The following SORCS1 variants were observed in gnomAD, a reference collection of about 807,000 sequenced individuals.
SORCS1 encodes the protein sortilin related VPS10 domain containing receptor 1.
A neutral mutation model predicts 146.1 loss-of-function variants in SORCS1; 60 were observed. The observed-to-expected ratio is 0.41, with a 90% confidence interval of 0.33 to 0.51. The LOEUF (loss-of-function observed/expected upper bound fraction) is 0.51, where lower values mean the gene tolerates loss of function less well. Ranked by LOEUF, SORCS1 falls within the 20% of genes least tolerant of loss-of-function variation. SORCS1 has a pLI of 0.21. For missense variants in SORCS1, 1,352 were observed against 1,487.6 expected, an observed-to-expected ratio of 0.91 and a Z score of 1.50; for synonymous variants, 637 against 584.0, an observed-to-expected ratio of 1.09 and a Z score of -1.31.
chr10:107,132,494 AT>A (rs1487874159), intron 1 of SORCS1, among the ~76,000 whole-genome samples: 1 of 152,176 alleles, frequency 6.6e-6, no homozygotes, highest in African/African-American at 2.4e-5. Context: ...TGTACCCATC[AT>A]GGTGGCAAGC....
intron 4 of SORCS1, among the ~76,000 whole-genome samples, chr10:106,774,261 A>T (rs966222159): frequency 3.9e-5 from 6 of 152,286 alleles, no homozygotes; most frequent in African/African-American, 1.4e-4. Context: ...ATATTACCAC[A>T]GTTTATACTG....
At chr10:106,631,315 A>G (rs753600698) in intron 18 of SORCS1, among the ~76,000 whole-genome samples, 7 of 152,222 alleles carry the variant, frequency 4.6e-5, no homozygotes, top group Non-Finnish European at 1.0e-4. Flanking sequence ...GACATTGTGC[A>G]CTTACTTGAA....
intron 10 of SORCS1, among the ~76,000 whole-genome samples, chr10:106,685,500 A>G (rs1035043772): frequency 2.5e-4 from 38 of 152,230 alleles, no homozygotes; most frequent in African/African-American, 9.2e-4. Flanking sequence ...GGGGATGCTC[A>G]AGAAAGTTCT....
At chr10:106,733,311 G>A (rs34052114) in intron 5 of SORCS1, among the ~76,000 whole-genome samples, 65,646 of 151,696 alleles carry the variant, frequency 0.43, 14,268 homozygotes, top group African/African-American at 0.46. Flanking sequence ...TGTTTCCAAT[G>A]ATTTTTATTT....
chr10:106,690,624 T>C (rs761558796), intron 9 of SORCS1, among the ~76,000 whole-genome samples: 1 of 152,200 alleles, frequency 6.6e-6, no homozygotes, highest in Non-Finnish European at 1.5e-5. Context: ...CAGGTTTATC[T>C]TGAGGAATAA....
At chr10:106,652,676 G>A (rs922515287) in intron 17 of SORCS1, 123 bp from the exon 18 acceptor site, 1 of 1,030,808 alleles carries the variant, frequency 9.7e-7, no homozygotes, top group Non-Finnish European at 1.4e-6. Context: ...CATCTTTCAT[G>A]CTACTATGAG....
intron 5 of SORCS1, among the ~76,000 whole-genome samples, chr10:106,731,169 C>T (rs937347974): frequency 4.6e-5 from 7 of 151,540 alleles, no homozygotes; most frequent in African/African-American, 1.2e-4. Context: ...ATTAGCCGGG[C>T]GTGGTGGTGG....
chr10:107,065,852 T>A (rs1961799710), intron 1 of SORCS1, among the ~76,000 whole-genome samples: 1 of 152,086 alleles, frequency 6.6e-6, no homozygotes, highest in South Asian at 2.1e-4. Context: ...TCCCATTTAA[T>A]CCTGCCAGAA....
chr10:106,855,098 C>G (rs762002819), intron 2 of SORCS1, among the ~76,000 whole-genome samples: 3 of 152,148 alleles, frequency 2.0e-5, no homozygotes, highest in Non-Finnish European at 2.9e-5. Flanking sequence ...TGAGAAAAGT[C>G]TTTATCTCTC....
chr10:106,788,397 C>T (rs1316533404), intron 3 of SORCS1, among the ~76,000 whole-genome samples: 1 of 152,148 alleles, frequency 6.6e-6, no homozygotes, highest in Non-Finnish European at 1.5e-5. Flanking sequence ...ATCTACAGTC[C>T]AAAGTCTCAT....
At chr10:106,583,088 G>T (rs112480246) in intron 24 of SORCS1, among the ~76,000 whole-genome samples, 1 of 152,108 alleles carries the variant, frequency 6.6e-6, no homozygotes, top group Non-Finnish European at 1.5e-5. Context: ...AAATGGAGAC[G>T]AAACTAGTGT....
intron 1 of SORCS1, among the ~76,000 whole-genome samples, chr10:106,982,610 T>C (rs1956283911): frequency 6.6e-6 from 1 of 152,188 alleles, no homozygotes; most frequent in Non-Finnish European, 1.5e-5. Context: ...TTTCAAGGCA[T>C]TCAACCGTTA....
intron 1 of SORCS1, among the ~76,000 whole-genome samples, chr10:107,039,498 A>T (rs564436134): frequency 6.6e-6 from 1 of 152,302 alleles, no homozygotes; most frequent in Non-Finnish European, 1.5e-5. Flanking sequence ...AAGTCACTTA[A>T]ATGTTCTGGT....
intron 1 of SORCS1, among the ~76,000 whole-genome samples, chr10:107,023,124 T>G (rs1958222575): frequency 6.6e-6 from 1 of 152,210 alleles, no homozygotes; most frequent in African/African-American, 2.4e-5. Flanking sequence ...CATCAGATAA[T>G]GCATGTAAAT....
At chr10:106,803,129 G>A (rs554084091) in intron 3 of SORCS1, among the ~76,000 whole-genome samples, 10 of 152,192 alleles carry the variant, frequency 6.6e-5, no homozygotes, top group South Asian at 2.1e-4. Context: ...AACCTAGAAC[G>A]CAGACCTTGG....
intron 1 of SORCS1, among the ~76,000 whole-genome samples, chr10:107,109,698 G>A (rs566198589): frequency 5.3e-5 from 8 of 152,274 alleles, no homozygotes; most frequent in South Asian, 2.1e-4. Flanking sequence ...TCTAGCAAGC[G>A]GTTGCTACGT....
chr10:106,890,598 G>A (rs987282663), intron 2 of SORCS1, among the ~76,000 whole-genome samples: 3 of 152,156 alleles, frequency 2.0e-5, no homozygotes, highest in Non-Finnish European at 4.4e-5. Flanking sequence ...ACAGAAACTG[G>A]TCAAATAAAT....
chr10:106,784,912 G>A (rs1945986779), intron 3 of SORCS1, among the ~76,000 whole-genome samples: 1 of 152,198 alleles, frequency 6.6e-6, no homozygotes. Context: ...TGACTTTAGA[G>A]TTTGAATAAG....
chr10:106,652,643 A>G, intron 17 of SORCS1, 90 bp from the exon 18 acceptor site: 1 of 1,429,264 alleles, frequency 7.0e-7, no homozygotes, highest in South Asian at 1.3e-5. Context: ...CCTAGCCCTG[A>G]GGACCATCAG....
Sources: allele counts gnomAD v4.1 joint callset (sites outside exome capture counted in the v4.1 genomes callset), GRCh38; gene constraint gnomAD v4.1.1; transcripts MANE v1.5; gene names NCBI Gene and HGNC (gene_info 2026-07-23, HGNC 2026-07-21).